Variants in KSR2 observed in about 807,000 individuals in gnomAD.
KSR2 encodes kinase suppressor of ras 2.
In KSR2, 25 loss-of-function variants were observed where a neutral mutation model predicts 107.8. The ratio of observed to expected loss-of-function variants is 0.23; its 90% CI spans 0.17 to 0.32. The LOEUF (loss-of-function observed/expected upper bound fraction) is 0.32, where lower values mean the gene tolerates loss of function less well. Among genes scored for constraint, KSR2 ranks in the 10% least tolerant of loss-of-function variants. The pLI, the probability that KSR2 is intolerant of heterozygous loss-of-function variation, is 1.00. For missense variants in KSR2, 887 were observed against 1,268.9 expected, an observed-to-expected ratio of 0.70 and a Z score of 4.57; for synonymous variants, 480 against 507.0, an observed-to-expected ratio of 0.95 and a Z score of 0.71.
At chr12:117,700,324 C>T (rs1886251771) in intron 4 of KSR2, among the ~76,000 whole-genome samples, 1 of 152,116 alleles carries the variant, frequency 6.6e-6, no homozygotes, top group African/African-American at 2.4e-5. Context: ...GACAACAGGA[C>T]CTCAGATCCT....
intron 4 of KSR2, among the ~76,000 whole-genome samples, chr12:117,692,806 G>T (rs582499): frequency 0.56 from 84,861 of 151,830 alleles, 25,255 homozygotes; most frequent in Middle Eastern, 0.71. Context: ...AGGTCACATA[G>T]TGTCTGATTT....
chr12:117,715,293 T>C lies in KSR2; in HGVS notation c.986+45718A>G, dbSNP rs567178734. On this transcript the variant is annotated intron_variant, in intron 4 of 19. Coordinates refer to ENST00000339824, the MANE Select transcript of KSR2 (RefSeq NM_173598.6). ...CCGGGGATCCCTGCAGCAGGGTCTA[T>C]GTGCTATGGACAACTCCATTCTAGC... Among the ~76,000 whole-genome samples, 4 of 152,328 alleles carry C rather than the reference T, an allele frequency of 2.6e-5. No homozygotes were observed. The East Asian group carries it at 5.8e-4, about 22-fold the overall frequency.
At chr12:117,644,770 G>A (rs1000267282) in intron 5 of KSR2, among the ~76,000 whole-genome samples, 4 of 152,218 alleles carry the variant, frequency 2.6e-5, no homozygotes, top group East Asian at 1.9e-4. Flanking sequence ...CTCCTCTTTC[G>A]AATTAATAAT....
intron 14 of KSR2, among the ~76,000 whole-genome samples, chr12:117,509,024 A>T (rs1027987642): frequency 1.1e-4 from 17 of 151,076 alleles, no homozygotes; most frequent in Non-Finnish European, 8.9e-5. Context: ...GGGACAGGTA[A>T]GGGGTCTGGG....
chr12:117,647,862 G>A (rs1234776425), intron 5 of KSR2, among the ~76,000 whole-genome samples: 5 of 152,066 alleles, frequency 3.3e-5, no homozygotes, highest in Admixed American at 1.3e-4. Flanking sequence ...ACACCACCAC[G>A]TCTGGCTTTT....
At chr12:117,562,079 T>C (rs571761082) in intron 7 of KSR2, among the ~76,000 whole-genome samples, 3 of 152,020 alleles carry the variant, frequency 2.0e-5, no homozygotes, top group East Asian at 1.9e-4. Context: ...GGGGGAATGA[T>C]GGGGTATGAG....
chr12:117,736,163 T>C (rs145464750), intron 4 of KSR2, among the ~76,000 whole-genome samples: 88 of 152,314 alleles, frequency 5.8e-4, no homozygotes, highest in South Asian at 4.1e-4. Context: ...CCAACTCAAA[T>C]ACATCCCACG....
chr12:117,538,909 T>C (rs1355898288), intron 10 of KSR2, among the ~76,000 whole-genome samples: 2 of 151,390 alleles, frequency 1.3e-5, no homozygotes, highest in Non-Finnish European at 2.9e-5. Context: ...CTTAGGGCCC[T>C]AGCAGAGGAA....
At chr12:117,678,718 C>A (rs572001510) in intron 4 of KSR2, among the ~76,000 whole-genome samples, 3 of 152,292 alleles carry the variant, frequency 2.0e-5, no homozygotes, top group African/African-American at 7.2e-5. Flanking sequence ...CAAGGGACCT[C>A]TGTAGTGCAA....
At chr12:117,632,442 G>A (rs4767588) in intron 5 of KSR2, among the ~76,000 whole-genome samples, 118,938 of 151,584 alleles carry the variant, frequency 0.78, 46,830 homozygotes, top group South Asian at 0.91. Flanking sequence ...TGGCCAGGCT[G>A]GTCTCAAACT....
At chr12:117,872,022 T>C (rs1007649559) in intron 1 of KSR2, among the ~76,000 whole-genome samples, 1 of 152,180 alleles carries the variant, frequency 6.6e-6, no homozygotes, top group African/African-American at 2.4e-5. Context: ...AATCAGACAT[T>C]TGCCAATCAT....
At chr12:117,854,999 G>A (rs1366612843) in intron 3 of KSR2, among the ~76,000 whole-genome samples, 1 of 152,016 alleles carries the variant, frequency 6.6e-6, no homozygotes, top group Non-Finnish European at 1.5e-5. Context: ...GGAGCTTAGG[G>A]TGATTTTTTT....
intron 11 of KSR2, 143 bp downstream of exon 11, chr12:117,531,523 C>G (rs1394632410): frequency 2.9e-6 from 2 of 684,530 alleles, no homozygotes; most frequent in Non-Finnish European, 4.9e-6. Context: ...CCATGTTCAG[C>G]CATTATCCTG....
chr12:117,862,671 C>T (rs1356458126), intron 1 of KSR2, among the ~76,000 whole-genome samples: 2 of 151,774 alleles, frequency 1.3e-5, no homozygotes, highest in East Asian at 3.9e-4. Flanking sequence ...AAACTTGGAG[C>T]CTGGGATGGT....
intron 1 of KSR2, among the ~76,000 whole-genome samples, chr12:117,863,112 A>G (rs1470384181): frequency 6.6e-6 from 1 of 152,078 alleles, no homozygotes; most frequent in Non-Finnish European, 1.5e-5. Flanking sequence ...CATCCGGCTG[A>G]TGTGAGGCTG....
chr12:117,793,144 ATATACCAATATGCACG>A (rs1205697266), intron 3 of KSR2, among the ~76,000 whole-genome samples: 10 of 140,942 alleles, frequency 7.1e-5, no homozygotes, highest in African/African-American at 2.3e-4. Context: ...ACTAACATGC[ATATACCAATATGCACG>A]CACACCAACA....
intron 1 of KSR2, among the ~76,000 whole-genome samples, chr12:117,891,678 AC>A (rs1894346533): frequency 6.6e-6 from 1 of 152,102 alleles, no homozygotes; most frequent in Admixed American, 6.6e-5. Context: ...AAACCAACCA[AC>A]CAAACAAACA....
At chr12:117,731,996 A>C (rs997703738) in intron 4 of KSR2, among the ~76,000 whole-genome samples, 18 of 149,392 alleles carry the variant, frequency 1.2e-4, no homozygotes, top group Non-Finnish European at 4.5e-5. Context: ...ACCCTGCCAA[A>C]TCCCCCTCTC....
At chr12:117,538,635 T>C (rs1876224798) in intron 10 of KSR2, among the ~76,000 whole-genome samples, 1 of 152,212 alleles carries the variant, frequency 6.6e-6, no homozygotes, top group African/African-American at 2.4e-5. Context: ...ATGGAAATGT[T>C]CTACACCTGA....
Sources: allele counts gnomAD v4.1 joint callset (sites outside exome capture counted in the v4.1 genomes callset), GRCh38; gene constraint gnomAD v4.1.1; transcripts MANE v1.5; gene names NCBI Gene and HGNC (gene_info 2026-07-23, HGNC 2026-07-21).